The following RAPGEF5 variants were observed in gnomAD, a reference collection of about 807,000 sequenced individuals.
The protein encoded by RAPGEF5 is Rap guanine nucleotide exchange factor 5.
In RAPGEF5, 65 loss-of-function variants were observed where a neutral mutation model predicts 125.2. That is an observed-to-expected ratio of 0.52 (90% confidence interval 0.43 to 0.64). The LOEUF (loss-of-function observed/expected upper bound fraction) is 0.64, where lower values mean the gene tolerates loss of function less well. RAPGEF5 is among the 30% of genes least tolerant of loss of function. The pLI is 0.00. For missense variants in RAPGEF5, 958 were observed against 1,048.1 expected (o/e 0.91, Z 1.19); for synonymous variants, 391 against 385.9 (o/e 1.01, Z -0.16).
chr7:22,188,384 T>C (rs1254743778), intron 11 of RAPGEF5, among the ~76,000 whole-genome samples: 1 of 152,184 alleles, frequency 6.6e-6, no homozygotes, highest in Non-Finnish European at 1.5e-5. Context: ...TATCATGAGC[T>C]TGGTGTTGGC....
intron 11 of RAPGEF5, among the ~76,000 whole-genome samples, chr7:22,178,319 A>G (rs1356129704): frequency 6.6e-6 from 1 of 152,142 alleles, no homozygotes; most frequent in Non-Finnish European, 1.5e-5. Context: ...CCATTTTTCT[A>G]CTCTCAACAC....
intron 5 of RAPGEF5, among the ~76,000 whole-genome samples, chr7:22,303,123 A>G (rs1245438684): frequency 2.0e-5 from 3 of 152,226 alleles, no homozygotes; most frequent in African/African-American, 7.2e-5. Context: ...GCATCTTACC[A>G]GTCCCAAGGG....
intron 11 of RAPGEF5, chr7:22,191,680 C>T (rs775876876): frequency 1.9e-5 from 9 of 470,962 alleles, no homozygotes; most frequent in South Asian, 1.4e-4. Context: ...AGACAGGATG[C>T]AAACCACTAT....
intron 19 of RAPGEF5, among the ~76,000 whole-genome samples, chr7:22,146,510 G>A (rs1248699630): frequency 6.6e-6 from 1 of 152,176 alleles, no homozygotes; most frequent in African/African-American, 2.4e-5. Flanking sequence ...AGATGGATAT[G>A]TGTGTACATA....
chr7:22,133,720 A>T (rs1229928501), intron 23 of RAPGEF5, among the ~76,000 whole-genome samples: 3 of 152,182 alleles, frequency 2.0e-5, no homozygotes. Flanking sequence ...CTCCAAAAAT[A>T]GCACATGAAC....
chr7:22,180,937 A>C (rs1784654998), intron 11 of RAPGEF5, among the ~76,000 whole-genome samples: 1 of 152,208 alleles, frequency 6.6e-6, no homozygotes, highest in African/African-American at 2.4e-5. Flanking sequence ...AATAATTCTG[A>C]GATATGCACA....
At chr7:22,285,519 A>G (rs1487258452) in intron 6 of RAPGEF5, among the ~76,000 whole-genome samples, 1 of 152,224 alleles carries the variant, frequency 6.6e-6, no homozygotes, top group Non-Finnish European at 1.5e-5. Context: ...TTATTCAGCT[A>G]CTGAACAACA....
chr7:22,202,715 GC>G (rs564613208), intron 9 of RAPGEF5, among the ~76,000 whole-genome samples: 37 of 152,164 alleles, frequency 2.4e-4, no homozygotes, highest in Non-Finnish European at 4.7e-4. Flanking sequence ...GATGATGGCA[GC>G]CCTTCAAAGA....
chr7:22,202,644 G>A (rs751556329), intron 9 of RAPGEF5, among the ~76,000 whole-genome samples: 3 of 152,148 alleles, frequency 2.0e-5, no homozygotes, highest in Non-Finnish European at 4.4e-5. Flanking sequence ...CAGGGATATC[G>A]TCCATTTCTC....
chr7:22,332,790 G>A (rs921724980), intron 1 of RAPGEF5, among the ~76,000 whole-genome samples: 3 of 152,172 alleles, frequency 2.0e-5, no homozygotes, highest in African/African-American at 7.2e-5. Context: ...ACCAACAGGT[G>A]GCACATTAAA....
intron 24 of RAPGEF5, 100 bp from the exon 25 acceptor site, chr7:22,125,758 G>A: frequency 9.0e-7 from 1 of 1,108,802 alleles, no homozygotes; most frequent in Non-Finnish European, 1.4e-6. Context: ...AGCACTCTTG[G>A]CTGTAATAAA....
chr7:22,347,889 C>G (rs555029791), intron 1 of RAPGEF5, among the ~76,000 whole-genome samples: 1 of 152,280 alleles, frequency 6.6e-6, no homozygotes, highest in Non-Finnish European at 1.5e-5. Flanking sequence ...TCAGCACCAC[C>G]ACCTACCAGG....
rs540813613 is a variant in RAPGEF5, at chr7:22,181,686, A to G, written c.1204+11681T>C. 2.0e-5 allele frequency among the ~76,000 whole-genome samples: 3 copies of G among 152,230 alleles called. No individual in the cohort carries two copies. The East Asian group carries it at 5.8e-4, about 29-fold the overall frequency. On this transcript the variant is annotated intron_variant, in intron 11 of 25. Coordinates refer to ENST00000665637, the MANE Select transcript of RAPGEF5 (RefSeq NM_012294.5). ...ACCCGTATTTAACAACTCTAATTTC[A>G]TATTTATTTTTGAGATTCAAGGGAA...
Position 22,120,037 on chromosome 7 carries a change from G to C in RAPGEF5, c.*2369C>G, listed in dbSNP as rs1782538499. The C allele has an allele frequency of 6.6e-6, 1 of 152,214 alleles. No individual in the cohort carries two copies. The highest frequency in any genetic ancestry group is 2.1e-4 in the South Asian group (1 of 4,826). The allele number at this position is 152,214 out of a possible 1,614,324, so 9.4% of individuals were successfully genotyped here. ...GCTTTGGAAACTTCTGAGAGCTGCT[G>C]CCTGGCAAACCTCTGGAGACAGTTG... On this transcript the variant is annotated 3_prime_UTR_variant, in exon 26 of 26. Coordinates refer to ENST00000665637, the MANE Select transcript of RAPGEF5 (RefSeq NM_012294.5). This position sits in a 1 kb window ranked among gnomAD's most constrained non-coding sequence, Gnocchi z 4.0.
At chr7:22,126,319 T>C (rs1335688764) in intron 24 of RAPGEF5, among the ~76,000 whole-genome samples, 1 of 152,204 alleles carries the variant, frequency 6.6e-6, no homozygotes, top group East Asian at 1.9e-4. Flanking sequence ...CCATGAAGCC[T>C]TTCTGAGATG....
chr7:22,219,786 G>A, intron 9 of RAPGEF5, 80 bp downstream of exon 9: 2 of 1,467,692 alleles, frequency 1.4e-6, no homozygotes, highest in Non-Finnish European at 1.8e-6. Flanking sequence ...AAATAAAATA[G>A]TCTTTCGTTC....
At chr7:22,161,216 A>G (rs1322167733) in intron 13 of RAPGEF5, among the ~76,000 whole-genome samples, 1 of 152,012 alleles carries the variant, frequency 6.6e-6, no homozygotes, top group Non-Finnish European at 1.5e-5. Flanking sequence ...CTCAAAAAAT[A>G]AATAAATAAG....
intron 9 of RAPGEF5, among the ~76,000 whole-genome samples, chr7:22,199,531 G>GAAAAAAAAAAAAAAAAAA (rs35024654): frequency 1.6e-5 from 1 of 62,832 alleles, no homozygotes; most frequent in Non-Finnish European, 2.8e-5. Flanking sequence ...CCTTAAAATT[G>GAAAAAAAAAAAAAAAAAA]AAAAAAAAAA....
intron 6 of RAPGEF5, among the ~76,000 whole-genome samples, chr7:22,275,547 C>G (rs2128143574): frequency 6.6e-6 from 1 of 152,294 alleles, no homozygotes; most frequent in Non-Finnish European, 1.5e-5. Flanking sequence ...GAACTGTCCA[C>G]AGTGGAAATG....
Sources: allele counts gnomAD v4.1 joint callset (sites outside exome capture counted in the v4.1 genomes callset), GRCh38; gene constraint gnomAD v4.1.1; non-coding constraint Gnocchi (gnomAD v3.1); transcripts MANE v1.5; gene names NCBI Gene and HGNC (gene_info 2026-07-23, HGNC 2026-07-21).